Variants in FGF2 observed in about 807,000 individuals in gnomAD.
FGF2 encodes fibroblast growth factor 2, also known as basic fibroblast growth factor bFGF.
In FGF2, 13 loss-of-function variants were observed where a neutral mutation model predicts 15.9. That is an observed-to-expected ratio of 0.82 (90% CI 0.53 to 1.30). The LOEUF (loss-of-function observed/expected upper bound fraction) is 1.30, where lower values mean the gene tolerates loss of function less well. FGF2 is among the 50% of genes most tolerant of loss of function. The pLI, the probability that FGF2 is intolerant of heterozygous loss-of-function variation, is 0.00. For synonymous variants in FGF2, 90 were observed against 78.4 expected (o/e 1.15, Z -0.78); for missense variants, 163 against 196.9 (o/e 0.83, Z 1.03).
chr4:122,892,708 T>G lies in FGF2; in HGVS notation c.*312T>G, dbSNP rs1727220238. The G allele has an allele frequency of 2.2e-6, 3 of 1,351,586 alleles. No homozygotes were observed. Among genetic ancestry groups the G allele is most frequent in the South Asian group, 3.2e-5 (2 of 62,812 alleles). The allele number at this position is 1,351,586 out of a possible 1,614,324, so 83.7% of individuals were successfully genotyped here. ...AAAATGTGCATGTTTAGAAACAAAA[T>G]TTCTTCATGGAAATCATATACATTA... On this transcript the variant is annotated 3_prime_UTR_variant, in exon 3 of 3. Coordinates refer to ENST00000644866, the MANE Select transcript of FGF2 (RefSeq NM_001361665.2).
At chr4:122,874,965 A>G (rs925567011) in intron 1 of FGF2, among the ~76,000 whole-genome samples, 7 of 152,228 alleles carry the variant, frequency 4.6e-5, no homozygotes, top group Non-Finnish European at 1.0e-4. Context: ...GGGATGACCT[A>G]TGAAAATAGT....
At chr4:122,892,066 C>A in intron 2 of FGF2, 145 bp from the exon 3 acceptor site, 1 of 725,412 alleles carries the variant, frequency 1.4e-6, no homozygotes, top group Non-Finnish European at 2.3e-6. Flanking sequence ...CCCATTGAAT[C>A]TTGTTAGTTT....
chr4:122,868,563 T>C (rs1458488497), intron 1 of FGF2, among the ~76,000 whole-genome samples: 1 of 152,198 alleles, frequency 6.6e-6, no homozygotes. Context: ...CTATTGTGAA[T>C]AGTGCTGCAA....
Position 122,860,662 on chromosome 4 carries a change from G to A in FGF2, c.179-15659G>A, listed in dbSNP as rs148069593. On this transcript the variant is annotated intron_variant, in intron 1 of 2. Transcript: ENST00000644866. ...TGTAGAGACAGGTTCTTGCCATGTT[G>A]ACCAGGCTGGTCTCGAATTCCTGGC... Among the ~76,000 whole-genome samples, 659 of 151,916 alleles carry A rather than the reference G, an allele frequency of 4.3e-3. 6 individuals are homozygous for A. Among genetic ancestry groups the A allele is most frequent in the African/African-American group, 0.015 (630 of 41,474 alleles).
intron 2 of FGF2, among the ~76,000 whole-genome samples, chr4:122,879,080 G>T (rs1726912029): frequency 6.6e-6 from 1 of 152,160 alleles, no homozygotes; most frequent in Non-Finnish European, 1.5e-5. Flanking sequence ...TAAATTGGGG[G>T]AATGTATGCA....
chr4:122,874,943 T>C (rs1726808889), intron 1 of FGF2, among the ~76,000 whole-genome samples: 1 of 152,126 alleles, frequency 6.6e-6, no homozygotes, highest in Non-Finnish European at 1.5e-5. Flanking sequence ...CCTAAACATA[T>C]CCATAGGATG....
chr4:122,858,752 G>A (rs1726393166), intron 1 of FGF2, among the ~76,000 whole-genome samples: 1 of 151,910 alleles, frequency 6.6e-6, no homozygotes, highest in South Asian at 2.1e-4. Flanking sequence ...TGCATTAAAC[G>A]GTTTTCAGTG....
chr4:122,897,772 G>T lies in FGF2; in HGVS notation c.*5376G>T, dbSNP rs1199250845. 2.9e-5 allele frequency: 25 copies of T among 849,210 alleles called. 1 individual carries two copies. The highest frequency in any genetic ancestry group is 1.9e-4 in the South Asian group (12 of 64,718). 52.6% of individuals were successfully genotyped at this position (849,210 alleles called of 1,614,324 possible). A position where few individuals can be genotyped will look rare whatever the true frequency, so the allele number is the denominator to read the frequency against. On this transcript the variant is annotated 3_prime_UTR_variant, in exon 3 of 3. Transcript: ENST00000644866. ...AAATCCACCTATAATTGGTCAAAGT[G>T]GTTGAGAATATATTTTTTAGTAATT...
Position 122,827,120 on chromosome 4 carries a change from G to A in FGF2, c.-55G>A. The A allele has an allele frequency of 7.8e-7, 1 of 1,278,886 alleles. No individual in the cohort carries two copies. Among genetic ancestry groups the A allele is most frequent in the Non-Finnish European group, 9.8e-7 (1 of 1,015,776 alleles). 79.2% of individuals were successfully genotyped at this position (1,278,886 alleles called of 1,614,324 possible). On this transcript the variant is annotated 5_prime_UTR_variant, in exon 1 of 3. Transcript: ENST00000644866. The surrounding 1 kb of genome is among the most constrained non-coding windows in gnomAD (Gnocchi z 4.2). ...GCCGGGGCCGGGGCCGGGGGACGGC[G>A]GCTCCCCGCGCGGCTCCAGCGGCTC...
At chr4:122,875,983 CAG>C (rs1560753770) in intron 1 of FGF2, among the ~76,000 whole-genome samples, 1 of 152,182 alleles carries the variant, frequency 6.6e-6, no homozygotes, top group East Asian at 1.9e-4. Context: ...AAATAGTTAA[CAG>C]GGGCGATTGA....
At chr4:122,828,032 C>G (rs1239214018) in intron 1 of FGF2, among the ~76,000 whole-genome samples, 1 of 152,162 alleles carries the variant, frequency 6.6e-6, no homozygotes, top group East Asian at 1.9e-4. Flanking sequence ...GACCTTGAGC[C>G]GACGCTTAAC....
Position 122,827,742 on chromosome 4 carries a change from A to G in FGF2, c.178+390A>G, listed in dbSNP as rs371045475. 3.9e-5 allele frequency among the ~76,000 whole-genome samples: 6 copies of G among 152,338 alleles called. No individual in the cohort carries two copies. In the East Asian group the frequency reaches 5.8e-4, roughly 15 times the overall value. ...TGCTGTCCCGGGGACAAAGACAGGA[A>G]GGACCGCAGCAGAACGAAACGGTCT... is the stretch of plus-strand genomic sequence containing the variant. On this transcript the variant is annotated intron_variant, in intron 1 of 2. Coordinates refer to ENST00000644866, the MANE Select transcript of FGF2 (RefSeq NM_001361665.2). The surrounding 1 kb of genome is among the most constrained non-coding windows in gnomAD (Gnocchi z 4.2).
chr4:122,830,554 T>C (rs1432639995), intron 1 of FGF2, among the ~76,000 whole-genome samples: 1 of 152,158 alleles, frequency 6.6e-6, no homozygotes, highest in Non-Finnish European at 1.5e-5. Flanking sequence ...TAAAAGTGGT[T>C]AGAGAGTTTC....
In FGF2 at chr4:122,894,093, ACTGT is replaced by A. The variant is rs1158432748; in HGVS notation, c.*1700_*1703del. On this transcript the variant is annotated 3_prime_UTR_variant, in exon 3 of 3. Coordinates refer to ENST00000644866, the MANE Select transcript of FGF2 (RefSeq NM_001361665.2). ...CAATTCCCATGTGCTGTGACTGTAG[ACTGT>A]CTTACCATAGACTGTCTTACCCATC... 4.6e-5 allele frequency: 7 copies of A among 152,340 alleles called. No homozygotes were observed. Among genetic ancestry groups the A allele is most frequent in the Admixed American group, 2.0e-4 (3 of 15,308 alleles). 9.4% of individuals were successfully genotyped at this position (152,340 alleles called of 1,614,324 possible). A position where few individuals can be genotyped will look rare whatever the true frequency, so the allele number is the denominator to read the frequency against.
At chr4:122,846,239 T>G (rs992408236) in intron 1 of FGF2, among the ~76,000 whole-genome samples, 1 of 152,218 alleles carries the variant, frequency 6.6e-6, no homozygotes, top group Non-Finnish European at 1.5e-5. Flanking sequence ...CAAAGATTAC[T>G]GATCACAGAT....
At chr4:122,891,021 C>CTTTTTTTTTTTTTTTTTTTTTT (rs769084285) in intron 2 of FGF2, among the ~76,000 whole-genome samples, 1 of 94,738 alleles carries the variant, frequency 1.1e-5, no homozygotes. Context: ...AACAATTTAT[C>CTTTTTTTTTTTTTTTTTTTTTT]TTTTTTTTTT....
chr4:122,872,048 C>T (rs1273386277), intron 1 of FGF2, among the ~76,000 whole-genome samples: 1 of 152,078 alleles, frequency 6.6e-6, no homozygotes, highest in Non-Finnish European at 1.5e-5. Context: ...AAGCAGGCTT[C>T]AGAAGATGGG....
intron 1 of FGF2, among the ~76,000 whole-genome samples, chr4:122,873,864 G>T (rs1418160460): frequency 6.6e-6 from 1 of 152,138 alleles, no homozygotes; most frequent in African/African-American, 2.4e-5. Context: ...TACATGTAAT[G>T]CTTATTGCTT....
At position 122,876,449 on chromosome 4, in the gene FGF2, C is replaced by T. The variant is rs45441596; in HGVS notation, c.282+25C>T. 5,599 of 1,428,584 alleles carry T rather than the reference C, an allele frequency of 3.9e-3. 173 individuals carry two copies. In the African/African-American group the frequency reaches 0.068, roughly 17 times the overall value. 88.5% of individuals were successfully genotyped at this position (1,428,584 alleles called of 1,614,324 possible). A position where few individuals can be genotyped will look rare whatever the true frequency, so the allele number is the denominator to read the frequency against. The stretch of plus-strand genomic sequence containing the variant: ...TGTAAGCATACTTTCTGTTTTCACA[C>T]GTTTTTTGTTAGCTTTTATTGCTGT... On this transcript the variant is annotated intron_variant, in intron 2 of 2. Coordinates refer to ENST00000644866, the MANE Select transcript of FGF2 (RefSeq NM_001361665.2).
Sources: gnomAD v4.1 joint callset for allele counts (sites outside exome capture counted in the v4.1 genomes callset) on GRCh38, gnomAD v4.1.1 for gene constraint, Gnocchi (gnomAD v3.1) non-coding constraint, MANE v1.5 for transcripts, NCBI Gene and HGNC (gene_info 2026-07-23, HGNC 2026-07-21) for gene names.